CDON: variants seen among roughly 807,000 people sequenced by gnomAD.
CDON encodes the protein cell adhesion associated, oncogene regulated, also known as cell adhesion molecule-related/down-regulated by oncogenes.
A neutral mutation model predicts 120.9 loss-of-function variants in CDON; 73 were observed. The ratio of observed to expected loss-of-function variants is 0.60; its 90% CI spans 0.50 to 0.73. The LOEUF (loss-of-function observed/expected upper bound fraction) is 0.73, where lower values mean the gene tolerates loss of function less well. CDON is among the 30% of genes least tolerant of loss of function. The probability of loss-of-function intolerance (pLI) is 0.00; values close to 1 mark genes in which losing one functional copy is unlikely to be tolerated. For missense variants in CDON, 1,470 were observed against 1,587.3 expected, an observed-to-expected ratio of 0.93 and a Z score of 1.26; for synonymous variants, 566 against 573.5, an observed-to-expected ratio of 0.99 and a Z score of 0.19.
At position 125,997,945 on chromosome 11, in the gene CDON, T is replaced by C. The variant is rs537509293; in HGVS notation, c.2159-535A>G. On this transcript the variant is annotated intron_variant, in intron 11 of 19. Transcript: ENST00000531738. The stretch of plus-strand genomic sequence containing the variant: ...GTGGCAAAGAGAGATAAAATCTGAC[T>C]GATAAAATCAATACTGTTAATAAAG... 3.1e-4 allele frequency among the ~76,000 whole-genome samples: 47 copies of C among 152,304 alleles called. 1 individual carries two copies. In the South Asian group the frequency reaches 9.8e-3, roughly 32 times the overall value.
intron 12 of CDON, among the ~76,000 whole-genome samples, chr11:125,996,901 C>T (rs2471474): frequency 0.32 from 48,262 of 151,922 alleles, 7,745 homozygotes; most frequent in South Asian, 0.35. Flanking sequence ...CTGCCAGGTG[C>T]TATGGCTCAC....
intron 9 of CDON, chr11:126,005,449 G>C (rs1293855262): frequency 2.7e-6 from 1 of 371,990 alleles, no homozygotes; most frequent in African/African-American, 2.0e-5. Flanking sequence ...TACTACCTTA[G>C]AGAGGGAAGG....
intron 14 of CDON, among the ~76,000 whole-genome samples, chr11:125,992,006 A>C (rs1946643089): frequency 6.6e-6 from 1 of 152,234 alleles, no homozygotes; most frequent in Non-Finnish European, 1.5e-5. Flanking sequence ...ACTGTTTATT[A>C]GTGGATATTT....
In CDON at chr11:126,021,391, T is replaced by C. The variant is rs1400404626; in HGVS notation, c.206A>G (p.Asp69Gly). 3.1e-6 allele frequency: 5 copies of C among 1,614,062 alleles called. No individual in the cohort carries two copies. Among genetic ancestry groups the C allele is most frequent in the Non-Finnish European group, 4.2e-6 (5 of 1,180,008 alleles). ...ISWLHNGKTL[D>G]GNLEHVKIHQ... is the part of the protein sequence containing the mutation. ...AATCTTAACATGTTCCAGGTTTCCA[T>C]CCAATGTTTTTCCGTTATGCAGCCA... is the stretch of plus-strand genomic sequence containing the variant. The change falls in exon 3 of 20, where the codon GAT becomes GGT. Residue 69 changes from aspartate (D) to glycine (G), a missense_variant. Coordinates refer to ENST00000531738, the MANE Select transcript of CDON (RefSeq NM_001378964.1).
upstream of CDON, chr11:126,063,325 C>G (rs1052931092): frequency 1.3e-5 from 2 of 151,774 alleles, no homozygotes; most frequent in Non-Finnish European, 2.9e-5. Flanking sequence ...ATGGTCGACT[C>G]TGTCCCCCGA....
chr11:125,981,965 A>ATTTCCTTTTTT (rs1946318366), intron 16 of CDON, among the ~76,000 whole-genome samples: 4 of 34,434 alleles, frequency 1.2e-4, no homozygotes, highest in Admixed American at 3.4e-4. Context: ...AAGTGATTCT[A>ATTTCCTTTTTT]TTTTCTTTTT....
chr11:126,020,436 G>A (rs1947599745), intron 3 of CDON, among the ~76,000 whole-genome samples: 1 of 152,344 alleles, frequency 6.6e-6, no homozygotes, highest in South Asian at 2.1e-4. Flanking sequence ...GACGGAGCCT[G>A]CAGGGGACTC....
Position 125,981,297 on chromosome 11 carries a change from A to T in CDON, c.3028T>A (p.Ser1010Thr), listed in dbSNP as rs756046417. 3 of 1,613,724 alleles carry T rather than the reference A, an allele frequency of 1.9e-6. No homozygotes were observed. Among genetic ancestry groups the T allele is most frequent in the Non-Finnish European group, 2.5e-6 (3 of 1,179,998 alleles). The change falls in exon 17 of 20, where the codon TCA (serine) becomes ACA (threonine). Residue 1010 changes from serine (S) to threonine (T), a missense_variant. Physicochemically the swap from Ser to Thr is moderately conservative, Grantham distance 58. Coordinates refer to ENST00000531738, the MANE Select transcript of CDON (RefSeq NM_001378964.1). ...YDPPGYLYQG[S>T]DMNGQMVDYT... ...TCCACCATCTGCCCGTTCATATCTGATCCTTGGTAGAGATATCCTGGTGGG... is the reference window on the plus strand; with the variant it reads ...TCCACCATCTGCCCGTTCATATCTGTTCCTTGGTAGAGATATCCTGGTGGG...
At chr11:126,029,109 C>T (rs955660166) in intron 1 of CDON, among the ~76,000 whole-genome samples, 5 of 152,174 alleles carry the variant, frequency 3.3e-5, no homozygotes, top group Non-Finnish European at 7.3e-5. Context: ...GATCCTCACA[C>T]TGTGGTAAGC....
At chr11:126,022,878 G>A (rs934133957) in intron 2 of CDON, among the ~76,000 whole-genome samples, 1 of 152,136 alleles carries the variant, frequency 6.6e-6, no homozygotes, top group Non-Finnish European at 1.5e-5. Flanking sequence ...CCATGTCTTA[G>A]GCATGGGGCT....
At chr11:126,021,119 G>T in intron 3 of CDON, 129 bp downstream of exon 3, 1 of 949,712 alleles carries the variant, frequency 1.1e-6, no homozygotes, top group Non-Finnish European at 1.6e-6. Context: ...CACAGCAAGA[G>T]TCAAGGCTGA....
Position 125,960,709 on chromosome 11 carries a change from A to T in CDON, c.*233T>A. 1.9e-6 allele frequency: 1 copy of T among 537,138 alleles called. No individual in the cohort carries two copies. Among genetic ancestry groups the T allele is most frequent in the Non-Finnish European group, 3.4e-6 (1 of 298,206 alleles). The allele number at this position is 537,138 out of a possible 1,614,324, so 33.3% of individuals were successfully genotyped here. On this transcript the variant is annotated 3_prime_UTR_variant, in exon 20 of 20. Transcript: ENST00000531738. Reference sequence around the variant, plus strand: ...TCCAGGTGACTGAATACTATGCAAAACAAGGTTGTTTCCTACCGAGGGGGA... The same window carrying T: ...TCCAGGTGACTGAATACTATGCAAATCAAGGTTGTTTCCTACCGAGGGGGA...
At chr11:126,061,648 T>C (rs1948798894) in intron 1 of CDON, among the ~76,000 whole-genome samples, 2 of 152,250 alleles carry the variant, frequency 1.3e-5, no homozygotes, top group African/African-American at 4.8e-5. Context: ...GTCTTTCATC[T>C]TTACTGGCAT....
chr11:126,024,402 G>A (rs1947729780), intron 1 of CDON, among the ~76,000 whole-genome samples: 1 of 152,212 alleles, frequency 6.6e-6, no homozygotes, highest in African/African-American at 2.4e-5. Flanking sequence ...CAACCGTGGA[G>A]GTGGAGAAAA....
At chr11:125,979,185 A>C (rs1170489319) in intron 17 of CDON, among the ~76,000 whole-genome samples, 1 of 152,226 alleles carries the variant, frequency 6.6e-6, no homozygotes, top group East Asian at 1.9e-4. Flanking sequence ...ACTGCACCCA[A>C]ACCCAAAGCA....
At chr11:126,006,894 T>C (rs1307370339) in intron 8 of CDON, among the ~76,000 whole-genome samples, 1 of 152,132 alleles carries the variant, frequency 6.6e-6, no homozygotes, top group African/African-American at 2.4e-5. Context: ...CATTTAATTC[T>C]CCAAACATTC....
intron 1 of CDON, among the ~76,000 whole-genome samples, chr11:126,061,556 C>T (rs1042334462): frequency 3.3e-5 from 5 of 152,190 alleles, no homozygotes; most frequent in African/African-American, 1.2e-4. Context: ...GAGACACTGT[C>T]CACTAGGTAT....
rs754287848 is a variant in CDON at position 126,018,509 on chromosome 11, T to C, written c.497-36A>G. 9.5e-6 allele frequency: 15 copies of C among 1,580,318 alleles called. No homozygotes were observed. The South Asian group carries it at 1.7e-4, about 18-fold the overall frequency. On this transcript the variant is annotated intron_variant, in intron 4 of 19. Coordinates refer to ENST00000531738, the MANE Select transcript of CDON (RefSeq NM_001378964.1). ...AAGGGAGTGCAGTTAGGCCTCTCCC[T>C]TTATGAAGGACACCACAGCACAACT...
chr11:125,961,821 G>A lies in CDON; in HGVS notation c.3534C>T (p.Asp1178=). ...CGQLPEESVK[D]NVEPVPTQRT... ...GCTGAGTAGGGACTGGTTCCACATT[G>A]TCCTTGACGCTCTCCTCCGGCAACT... Residue 1178 remains aspartate (D), a synonymous_variant, in exon 19 of 20, where the codon GAC becomes GAT. Transcript: ENST00000531738. The A allele has an allele frequency of 6.2e-7, 1 of 1,614,164 alleles. No homozygotes were observed. Among genetic ancestry groups the A allele is most frequent in the South Asian group, 1.1e-5 (1 of 91,080 alleles).
Sources: allele counts gnomAD v4.1 joint callset (sites outside exome capture counted in the v4.1 genomes callset), GRCh38; gene constraint gnomAD v4.1.1; transcripts MANE v1.5; gene names NCBI Gene and HGNC (gene_info 2026-07-23, HGNC 2026-07-21).